RPS19: variants seen among roughly 807,000 people sequenced by gnomAD.
RPS19 encodes the protein ribosomal protein S19, also known as small ribosomal subunit protein eS19.
RPS19 carries 1 observed loss-of-function variant against 20.3 expected under a neutral mutation model. The observed-to-expected ratio is 0.05, with a 90% CI of 0.02 to 0.23. RPS19 has a LOEUF of 0.23. Ranked by LOEUF, RPS19 falls within the 10% of genes least tolerant of loss-of-function variation. The pLI, the probability that RPS19 is intolerant of heterozygous loss-of-function variation, is 1.00. For missense variants in RPS19, 111 were observed against 192.7 expected (o/e 0.58, Z 2.51); for synonymous variants, 87 against 74.8 (o/e 1.16, Z -0.84).
At chr19:41,862,769 G>A (rs1485599296) in intron 3 of RPS19, among the ~76,000 whole-genome samples, 2 of 152,006 alleles carry the variant, frequency 1.3e-5, no homozygotes, top group Non-Finnish European at 2.9e-5. Flanking sequence ...GGCCCTGCCT[G>A]GAAACCTCAA....
chr19:41,861,429 T>G, intron 3 of RPS19: 1 of 583,268 alleles, frequency 1.7e-6, no homozygotes. Context: ...CCTGTGGCTT[T>G]GAGCCTCAGG....
At chr19:41,864,281 TGCTCCATCTCTG>T (rs1416289496) in intron 3 of RPS19, 2 of 152,418 alleles carry the variant, frequency 1.3e-5, no homozygotes, top group Non-Finnish European at 2.9e-5. Context: ...GGTTGGAGGC[TGCTCCATCTCTG>T]GCTCCTGCAT....
chr19:41,870,849 C>CTTTTTTTTTTTT (rs35987051), intron 5 of RPS19, among the ~76,000 whole-genome samples: 12 of 44,024 alleles, frequency 2.7e-4, no homozygotes, highest in African/African-American at 1.0e-3. Context: ...CACTCCCTTC[C>CTTTTTTTTTTTT]TTTTTTTTTT....
chr19:41,872,181 G>A lies in RPS19; in HGVS notation c.*804G>A, dbSNP rs2074156069. ...TGGGATGTGGCCTCCGCCCATGATT[G>A]GGCACCTGGTCAGGCTGGGAGATCC... On this transcript the variant is annotated 3_prime_UTR_variant, in exon 6 of 6. Transcript: ENST00000598742. 6.6e-6 allele frequency: 1 copy of A among 152,278 alleles called. No individual in the cohort carries two copies. Among genetic ancestry groups the A allele is most frequent in the Admixed American group, 6.5e-5 (1 of 15,284 alleles). 9.4% of individuals were successfully genotyped at this position (152,278 alleles called of 1,614,324 possible). A position where few individuals can be genotyped will look rare whatever the true frequency, so the allele number is the denominator to read the frequency against.
rs782606053 is a variant in RPS19, at chr19:41,861,094, C to G, written c.72-18C>G. The G allele has an allele frequency of 1.9e-6, 3 of 1,600,716 alleles. No homozygotes were observed. Among genetic ancestry groups the G allele is most frequent in the East Asian group, 2.2e-5 (1 of 44,822 alleles). On this transcript the variant is annotated intron_variant, in intron 2 of 5. Coordinates refer to ENST00000598742, the MANE Select transcript of RPS19 (RefSeq NM_001022.4). ...TGGAGATGACTGAATCGTGCTTTTCCCACTGTTTTGGTCTTAGGTCCGGGA... is the reference window on the plus strand; with the variant it reads ...TGGAGATGACTGAATCGTGCTTTTCGCACTGTTTTGGTCTTAGGTCCGGGA...
intron 3 of RPS19, among the ~76,000 whole-genome samples, chr19:41,866,907 C>T (rs1555840835): frequency 6.6e-6 from 1 of 152,024 alleles, no homozygotes; most frequent in African/African-American, 2.4e-5. Flanking sequence ...GTCCCAGCTA[C>T]TCTGGAGGCT....
chr19:41,862,956 A>C (rs1555839591), intron 3 of RPS19, among the ~76,000 whole-genome samples: 1 of 152,200 alleles, frequency 6.6e-6, no homozygotes, highest in African/African-American at 2.4e-5. Context: ...ATCTACATGC[A>C]CAAGGGCAGA....
intron 3 of RPS19, 46 bp downstream of exon 3, chr19:41,861,258 C>G (rs61761226): frequency 2.9e-6 from 4 of 1,400,948 alleles, no homozygotes; most frequent in Non-Finnish European, 4.1e-6. Context: ...GCTGGGTGAC[C>G]CCTGGCACAA....
At chr19:41,862,322 G>A (rs138591851) in intron 3 of RPS19, among the ~76,000 whole-genome samples, 2 of 152,276 alleles carry the variant, frequency 1.3e-5, no homozygotes, top group African/African-American at 4.8e-5. Flanking sequence ...TAACTCAGCC[G>A]CGGCCTCTGA....
chr19:41,861,748 C>G (rs1555839337), intron 3 of RPS19: 1 of 173,084 alleles, frequency 5.8e-6, no homozygotes, highest in African/African-American at 2.4e-5. Flanking sequence ...AGTTAGCCTT[C>G]TCCATATCTC....
chr19:41,862,881 A>G (rs528921516), intron 3 of RPS19, among the ~76,000 whole-genome samples: 4 of 151,986 alleles, frequency 2.6e-5, no homozygotes, highest in African/African-American at 7.3e-5. Flanking sequence ...GCGGCATAGG[A>G]TGGTTGTGTG....
Position 41,860,819 on chromosome 19 carries a change from C to T in RPS19, c.45C>T (p.Val15=), listed in dbSNP as rs782185296. 2 of 1,613,798 alleles carry T rather than the reference C, an allele frequency of 1.2e-6. No homozygotes were observed. Among genetic ancestry groups the T allele is most frequent in the Non-Finnish European group, 1.7e-6 (2 of 1,179,852 alleles). ...AAGACGTGAACCAGCAGGAGTTCGT[C>T]AGAGCTCTGGCAGCCTTCCTCAAAA... ...TVKDVNQQEF[V]RALAAFLKKS... The change falls in exon 2 of 6, where the codon GTC becomes GTT. Residue 15 remains valine, a synonymous_variant. Transcript: ENST00000598742.
intron 5 of RPS19, among the ~76,000 whole-genome samples, chr19:41,870,658 G>A (rs1019129926): frequency 2.6e-5 from 4 of 151,942 alleles, no homozygotes; most frequent in Non-Finnish European, 4.4e-5. Flanking sequence ...TAGGAGCCTT[G>A]GAGCATTTAG....
intron 3 of RPS19, among the ~76,000 whole-genome samples, chr19:41,863,235 G>T (rs2074051585): frequency 6.6e-6 from 1 of 152,226 alleles, no homozygotes; most frequent in Non-Finnish European, 1.5e-5. Context: ...GAACTCCCAA[G>T]CTCAAGCGGT....
intron 5 of RPS19, 34 bp downstream of exon 5, chr19:41,869,787 T>G (rs1214827527): frequency 1.9e-6 from 3 of 1,603,746 alleles, no homozygotes; most frequent in Non-Finnish European, 2.6e-6. Context: ...GCTGGGTCCC[T>G]TAGTCGCTGC....
rs988962390 is a variant in RPS19 at position 41,872,719 on chromosome 19, G to C, written c.*1342G>C. The C allele has an allele frequency of 6.6e-6, 1 of 152,204 alleles. No homozygotes were observed. The highest frequency in any genetic ancestry group is 6.5e-5 in the Admixed American group (1 of 15,274). 9.4% of individuals were successfully genotyped at this position (152,204 alleles called of 1,614,324 possible). A position where few individuals can be genotyped will look rare whatever the true frequency, so the allele number is the denominator to read the frequency against. Reference sequence around the variant, plus strand: ...TTGAGAACAGCCTGACCAACATGGAGAAACCCTGTCTCTAAAAATACCAAA... The same window carrying C: ...TTGAGAACAGCCTGACCAACATGGACAAACCCTGTCTCTAAAAATACCAAA... On this transcript the variant is annotated 3_prime_UTR_variant, in exon 6 of 6. Transcript: ENST00000598742.
chr19:41,870,442 G>C (rs1364240670), intron 5 of RPS19, among the ~76,000 whole-genome samples: 1 of 152,112 alleles, frequency 6.6e-6, no homozygotes, highest in Non-Finnish European at 1.5e-5. Flanking sequence ...CAGAACCCAG[G>C]TCTCCATTCA....
At chr19:41,861,615 T>C (rs1246000378) in intron 3 of RPS19, 4 of 336,266 alleles carry the variant, frequency 1.2e-5, no homozygotes, top group Non-Finnish European at 2.3e-5. Flanking sequence ...GGACTAATTA[T>C]TGTACCAGTA....
chr19:41,869,076 G>A lies in RPS19; in HGVS notation c.218G>A (p.Gly73Asp). 1 of 1,613,762 alleles carries A rather than the reference G, an allele frequency of 6.2e-7. No homozygotes were observed. The highest frequency in any genetic ancestry group is 8.5e-7 in the Non-Finnish European group (1 of 1,179,852). Residue 73 changes from glycine (G) to aspartate (D), a missense_variant, in exon 4 of 6, where the codon GGC becomes GAC. By Grantham distance (94) the Gly-to-Asp change is moderately conservative. Coordinates refer to ENST00000598742, the MANE Select transcript of RPS19 (RefSeq NM_001022.4). ...TACCTCCGGGGTGGCGCTGGGGTTGGCTCCATGACCAAGATCTATGGGGGA... is the reference window on the plus strand; with the variant it reads ...TACCTCCGGGGTGGCGCTGGGGTTGACTCCATGACCAAGATCTATGGGGGA... ...HLYLRGGAGV[G>D]SMTKIYGGRQ...
Sources: gnomAD v4.1 joint callset for allele counts (sites outside exome capture counted in the v4.1 genomes callset) on GRCh38, gnomAD v4.1.1 for gene constraint, MANE v1.5 for transcripts, NCBI Gene and HGNC (gene_info 2026-07-23, HGNC 2026-07-21) for gene names.